FSIP1: variants seen among roughly 807,000 people sequenced by gnomAD.
FSIP1 encodes fibrous sheath-interacting protein 1.
In FSIP1, 65 loss-of-function variants were observed where a neutral mutation model predicts 60.9. That is an observed-to-expected ratio of 1.07 (90% CI 0.87 to 1.31). The LOEUF is 1.31. Among genes scored for constraint, FSIP1 ranks in the 40% most tolerant of loss-of-function variants. The pLI, the probability that FSIP1 is intolerant of heterozygous loss-of-function variation, is 0.00. For synonymous variants in FSIP1, 209 were observed against 221.2 expected (o/e 0.94, Z 0.49); for missense variants, 675 against 665.5 (o/e 1.01, Z -0.16).
At chr15:39,670,127 T>G (rs534988135) in intron 10 of FSIP1, among the ~76,000 whole-genome samples, 4 of 152,256 alleles carry the variant, frequency 2.6e-5, no homozygotes, top group Non-Finnish European at 4.4e-5. Context: ...ATTACATGGA[T>G]AGTGGTGATA....
At chr15:39,637,264 A>G (rs1229673155) in intron 10 of FSIP1, among the ~76,000 whole-genome samples, 1 of 152,214 alleles carries the variant, frequency 6.6e-6, no homozygotes, top group African/African-American at 2.4e-5. Context: ...ACTTGCAAAT[A>G]ACAGAAATAA....
At chr15:39,700,518 A>G (rs188688429) in intron 10 of FSIP1, among the ~76,000 whole-genome samples, 272 of 152,364 alleles carry the variant, frequency 1.8e-3, no homozygotes, top group African/African-American at 5.7e-3. Flanking sequence ...GTAATTGTGC[A>G]ACATCATTGA....
chr15:39,660,645 T>A (rs180678737), intron 10 of FSIP1, among the ~76,000 whole-genome samples: 15 of 152,348 alleles, frequency 9.8e-5, no homozygotes, highest in African/African-American at 3.4e-4. Flanking sequence ...CAAAAGATTA[T>A]TTAGAGTAAC....
intron 8 of FSIP1, among the ~76,000 whole-genome samples, chr15:39,736,279 CA>C (rs1896605585): frequency 6.6e-6 from 1 of 152,196 alleles, no homozygotes; most frequent in Non-Finnish European, 1.5e-5. Flanking sequence ...CCTACTTCAT[CA>C]GCCCCAGGCA....
intron 4 of FSIP1, 30 bp downstream of exon 4, chr15:39,765,562 C>G: frequency 6.6e-7 from 1 of 1,512,108 alleles, no homozygotes; most frequent in Non-Finnish European, 8.9e-7. Flanking sequence ...TTATTTCTTA[C>G]ATGTCAGCAT....
intron 10 of FSIP1, among the ~76,000 whole-genome samples, chr15:39,668,068 T>C (rs764713491): frequency 6.6e-6 from 1 of 152,116 alleles, no homozygotes; most frequent in African/African-American, 2.4e-5. Flanking sequence ...GGCTGGCCTA[T>C]TGCAGTAAAC....
intron 5 of FSIP1, among the ~76,000 whole-genome samples, chr15:39,756,175 G>A (rs1897295710): frequency 6.6e-6 from 1 of 152,116 alleles, no homozygotes; most frequent in Admixed American, 6.6e-5. Context: ...TTCTCTTGGA[G>A]TCAAGGCATC....
intron 11 of FSIP1, among the ~76,000 whole-genome samples, chr15:39,613,907 T>C (rs1451260729): frequency 6.6e-6 from 1 of 152,138 alleles, no homozygotes; most frequent in Non-Finnish European, 1.5e-5. Flanking sequence ...TCAACACCAT[T>C]TCATGATAAA....
intron 10 of FSIP1, among the ~76,000 whole-genome samples, chr15:39,658,560 T>C (rs2140448366): frequency 6.6e-6 from 1 of 152,296 alleles, no homozygotes; most frequent in Non-Finnish European, 1.5e-5. Context: ...TAAACAGACA[T>C]GATAATCTAT....
chr15:39,726,774 C>G, intron 8 of FSIP1, 27 bp from the exon 9 acceptor site: 1 of 1,605,204 alleles, frequency 6.2e-7, no homozygotes, highest in Non-Finnish European at 8.5e-7. Context: ...GTCACCAGGT[C>G]ATTCTCAGGC....
rs938949808 is a variant in FSIP1, at chr15:39,731,879, C to T, written c.892-5132G>A. ...GTGGTAGTAGAGACATCTAGCTTAG[C>T]GGGTGCCATTCACTGCAAGTGTGAG... On this transcript the variant is annotated intron_variant, in intron 8 of 11. Coordinates refer to ENST00000350221, the MANE Select transcript of FSIP1 (RefSeq NM_152597.5). Among the ~76,000 whole-genome samples, 8 of 152,136 alleles carry T rather than the reference C, an allele frequency of 5.3e-5. No individual in the cohort carries two copies. The East Asian group carries it at 5.8e-4, about 11-fold the overall frequency.
intron 8 of FSIP1, among the ~76,000 whole-genome samples, chr15:39,732,788 A>ACCTCATCT (rs370712735): frequency 6.6e-6 from 1 of 152,118 alleles, no homozygotes; most frequent in Non-Finnish European, 1.5e-5. Context: ...CATAAAGGAA[A>ACCTCATCT]GGGCACATTT....
At chr15:39,736,743 G>T (rs1461252274) in intron 8 of FSIP1, among the ~76,000 whole-genome samples, 1 of 152,216 alleles carries the variant, frequency 6.6e-6, no homozygotes, top group Non-Finnish European at 1.5e-5. Context: ...TAATTCACTG[G>T]GAGAGTGCCT....
intron 9 of FSIP1, among the ~76,000 whole-genome samples, chr15:39,721,242 T>C (rs1331696800): frequency 6.6e-6 from 1 of 152,242 alleles, no homozygotes; most frequent in Non-Finnish European, 1.5e-5. Flanking sequence ...TAAATCTATA[T>C]GCATACCAAC....
chr15:39,740,446 T>C (rs1285340298), intron 6 of FSIP1, among the ~76,000 whole-genome samples: 1 of 152,200 alleles, frequency 6.6e-6, no homozygotes, highest in East Asian at 1.9e-4. Flanking sequence ...TTATAAAATA[T>C]CTTGTTTTCT....
At chr15:39,661,778 T>C (rs1212140230) in intron 10 of FSIP1, among the ~76,000 whole-genome samples, 1 of 152,206 alleles carries the variant, frequency 6.6e-6, no homozygotes, top group Non-Finnish European at 1.5e-5. Flanking sequence ...ATATTAATTT[T>C]TGGGTCATAT....
intron 11 of FSIP1, among the ~76,000 whole-genome samples, chr15:39,602,922 T>C (rs967649113): frequency 1.3e-5 from 2 of 152,130 alleles, no homozygotes; most frequent in Non-Finnish European, 2.9e-5. Flanking sequence ...TAACAAAAAA[T>C]TTTTCATCAA....
intron 10 of FSIP1, among the ~76,000 whole-genome samples, chr15:39,670,877 A>G (rs1428031811): frequency 6.6e-6 from 1 of 152,230 alleles, no homozygotes; most frequent in East Asian, 1.9e-4. Context: ...TCTGAGAAGT[A>G]TGATACTATT....
At chr15:39,727,678 G>T (rs546080041) in intron 8 of FSIP1, among the ~76,000 whole-genome samples, 44 of 152,252 alleles carry the variant, frequency 2.9e-4, no homozygotes, top group South Asian at 1.2e-3. Context: ...TAATTTTATG[G>T]AAGAGTAAAG....
Sources: gnomAD v4.1 joint callset for allele counts (sites outside exome capture counted in the v4.1 genomes callset) on GRCh38, gnomAD v4.1.1 for gene constraint, MANE v1.5 for transcripts, NCBI Gene and HGNC (gene_info 2026-07-23, HGNC 2026-07-21) for gene names.